The following NEK1 variants were observed in gnomAD, a reference collection of about 807,000 sequenced individuals.
The protein encoded by NEK1 is serine/threonine-protein kinase Nek1.
A neutral mutation model predicts 182.1 loss-of-function variants in NEK1; 137 were observed. The ratio of observed to expected loss-of-function variants is 0.75; its 90% CI spans 0.65 to 0.87. The LOEUF (loss-of-function observed/expected upper bound fraction) is 0.87, where lower values mean the gene tolerates loss of function less well. NEK1 is among the 40% of genes least tolerant of loss of function. NEK1 has a pLI of 0.00. For synonymous variants in NEK1, 513 were observed against 492.2 expected, an observed-to-expected ratio of 1.04 and a Z score of -0.56; for missense variants, 1,391 against 1,494.4, an observed-to-expected ratio of 0.93 and a Z score of 1.14.
At chr4:169,464,681 T>C (rs1269284910) in intron 26 of NEK1, among the ~76,000 whole-genome samples, 1 of 151,930 alleles carries the variant, frequency 6.6e-6, no homozygotes, top group Non-Finnish European at 1.5e-5. Flanking sequence ...GTAAATACAA[T>C]TGGGGGGAAT....
chr4:169,546,725 C>G (rs111910453), intron 18 of NEK1, among the ~76,000 whole-genome samples: 1 of 151,952 alleles, frequency 6.6e-6, no homozygotes, highest in Non-Finnish European at 1.5e-5. Context: ...TTTACCATTA[C>G]GCAATGCCCT....
chr4:169,498,233 C>CT (rs1388300596), intron 23 of NEK1, among the ~76,000 whole-genome samples: 4 of 152,042 alleles, frequency 2.6e-5, no homozygotes, highest in Admixed American at 6.6e-5. Flanking sequence ...CAACCCCTGC[C>CT]TTTTTTTGTT....
chr4:169,433,449 GA>G (rs1293638392), intron 29 of NEK1, 95 bp downstream of exon 29: 2 of 1,124,544 alleles, frequency 1.8e-6, no homozygotes, highest in Admixed American at 4.5e-5. Flanking sequence ...ACAATATTAG[GA>G]TATTATGTTG....
intron 23 of NEK1, among the ~76,000 whole-genome samples, chr4:169,499,348 C>G (rs983702372): frequency 7.2e-5 from 11 of 152,218 alleles, no homozygotes; most frequent in African/African-American, 2.4e-4. Context: ...TGGGTTCGAA[C>G]TTCCTCCTTT....
intron 18 of NEK1, among the ~76,000 whole-genome samples, chr4:169,546,180 T>C (rs1268690369): frequency 6.6e-6 from 1 of 152,230 alleles, no homozygotes; most frequent in African/African-American, 2.4e-5. Context: ...TCTGGTACGT[T>C]GTGTCTTTGT....
chr4:169,500,665 A>G (rs1752267979), intron 23 of NEK1, among the ~76,000 whole-genome samples: 1 of 152,242 alleles, frequency 6.6e-6, no homozygotes, highest in Non-Finnish European at 1.5e-5. Flanking sequence ...AAGCTAAGTA[A>G]GCTTCATAAA....
chr4:169,427,983 C>T (rs535878750), intron 29 of NEK1, among the ~76,000 whole-genome samples: 11 of 150,768 alleles, frequency 7.3e-5, no homozygotes, highest in Middle Eastern at 3.4e-3. Context: ...TGCAACCATG[C>T]CTGGCTTTTT....
At chr4:169,462,899 TAGTC>T (rs1388868921) in intron 27 of NEK1, among the ~76,000 whole-genome samples, 2 of 152,164 alleles carry the variant, frequency 1.3e-5, no homozygotes, top group Admixed American at 6.6e-5. Context: ...AAATACCTTT[TAGTC>T]AATCTCATTC....
At chr4:169,474,485 T>C (rs113317247) in intron 26 of NEK1, among the ~76,000 whole-genome samples, 334 of 152,320 alleles carry the variant, frequency 2.2e-3, no homozygotes, top group Non-Finnish European at 3.6e-3. Flanking sequence ...TTCTAAACTC[T>C]CTTTTTAAAT....
chr4:169,577,208 T>C, intron 11 of NEK1, 129 bp from the exon 12 acceptor site: 1 of 892,884 alleles, frequency 1.1e-6, no homozygotes, highest in Non-Finnish European at 1.7e-6. Flanking sequence ...CTATCAAATA[T>C]CTTAATTCAT....
intron 31 of NEK1, among the ~76,000 whole-genome samples, chr4:169,418,501 C>A (rs1406156256): frequency 6.6e-6 from 1 of 151,948 alleles, no homozygotes; most frequent in Non-Finnish European, 1.5e-5. Context: ...GGATATTAAG[C>A]CAGCTATTTT....
At chr4:169,474,938 C>G (rs1413381692) in intron 26 of NEK1, among the ~76,000 whole-genome samples, 1 of 152,104 alleles carries the variant, frequency 6.6e-6, no homozygotes, top group Non-Finnish European at 1.5e-5. Context: ...TTATGCTGCT[C>G]CCTAAATAAC....
chr4:169,436,117 T>C (rs1738367600), intron 28 of NEK1, among the ~76,000 whole-genome samples: 1 of 152,140 alleles, frequency 6.6e-6, no homozygotes, highest in Admixed American at 6.5e-5. Context: ...TTGCCCAGGC[T>C]GGTCTTGAAC....
chr4:169,493,280 G>GA (rs931649131), intron 23 of NEK1, among the ~76,000 whole-genome samples: 1 of 151,624 alleles, frequency 6.6e-6, no homozygotes, highest in Non-Finnish European at 1.5e-5. Context: ...CCTTCAAGGG[G>GA]AAAAAAAATA....
chr4:169,555,625 T>G, intron 18 of NEK1, 95 bp downstream of exon 18: 2 of 1,512,146 alleles, frequency 1.3e-6, no homozygotes, highest in Non-Finnish European at 1.8e-6. Flanking sequence ...ATGTGAACAA[T>G]GGAGAAAACA....
chr4:169,443,218 A>G (rs1163112699), intron 27 of NEK1, among the ~76,000 whole-genome samples: 2 of 152,052 alleles, frequency 1.3e-5, no homozygotes, highest in African/African-American at 4.8e-5. Context: ...TGGGAGGCTG[A>G]GATGGGAGGA....
intron 26 of NEK1, among the ~76,000 whole-genome samples, chr4:169,465,093 G>GA (rs1744673471): frequency 6.6e-6 from 1 of 152,060 alleles, no homozygotes; most frequent in South Asian, 2.1e-4. Context: ...CCAGTTCCAT[G>GA]AAAGTACATG....
intron 18 of NEK1, among the ~76,000 whole-genome samples, chr4:169,546,422 T>C (rs778223778): frequency 9.9e-5 from 15 of 152,196 alleles, no homozygotes; most frequent in Admixed American, 3.9e-4. Context: ...AATTTTAGAA[T>C]AAATGCTATG....
intron 24 of NEK1, among the ~76,000 whole-genome samples, chr4:169,477,739 C>G (rs754035766): frequency 9.2e-5 from 14 of 151,878 alleles, no homozygotes; most frequent in Admixed American, 2.6e-4. Flanking sequence ...TAGATTACTG[C>G]TCACATAATT....
Sources: gnomAD v4.1 joint callset for allele counts (sites outside exome capture counted in the v4.1 genomes callset) on GRCh38, gnomAD v4.1.1 for gene constraint, MANE v1.5 for transcripts, NCBI Gene and HGNC (gene_info 2026-07-23, HGNC 2026-07-21) for gene names.